Variants in TSPAN7 observed in about 807,000 individuals in gnomAD.
TSPAN7 encodes the protein tetraspanin 7, also known as tetraspanin-7.
In TSPAN7, 1 loss-of-function variant was observed where a neutral mutation model predicts 17.6. That is an observed-to-expected ratio of 0.06 (90% CI 0.02 to 0.27). The LOEUF is 0.27. TSPAN7 is among the 10% of genes least tolerant of loss of function. The pLI is 1.00. For synonymous variants in TSPAN7, 78 were observed against 79.0 expected, an observed-to-expected ratio of 0.99 and a Z score of 0.07; for missense variants, 112 against 201.7, an observed-to-expected ratio of 0.56 and a Z score of 2.69.
At chrX:38,598,662 TAAATTAGAA>T (rs2069330904) in intron 1 of TSPAN7, among the ~76,000 whole-genome samples, 1 of 111,281 alleles carries the variant, frequency 9.0e-6, no homozygotes, top group Admixed American at 9.6e-5. Flanking sequence ...AAATGTTGAA[TAAATTAGAA>T]TTTGGGGGTG....
At chrX:38,561,773 C>A in intron 1 of TSPAN7, 146 bp downstream of exon 1, 1 of 492,797 alleles carries the variant, frequency 2.0e-6, no homozygotes, top group African/African-American at 2.3e-5. Flanking sequence ...GGTGCTGGGT[C>A]GGGGCTGCAG....
At chrX:38,639,347 G>A (rs1326012591) in intron 1 of TSPAN7, among the ~76,000 whole-genome samples, 3 of 108,541 alleles carry the variant, frequency 2.8e-5, no homozygotes, top group African/African-American at 1.0e-4. Context: ...ACCTGTGAGT[G>A]GTGGAGAGGG....
At chrX:38,668,740 C>T (rs1038067008) in intron 2 of TSPAN7, among the ~76,000 whole-genome samples, 3 of 111,646 alleles carry the variant, frequency 2.7e-5, no homozygotes, top group Admixed American at 9.5e-5. Flanking sequence ...TACATGGGGG[C>T]GTGGCTATCT....
chrX:38,582,799 T>C (rs2069234348), intron 1 of TSPAN7, among the ~76,000 whole-genome samples: 1 of 112,269 alleles, frequency 8.9e-6, no homozygotes, highest in African/African-American at 3.2e-5. Context: ...CTTCTCTCAC[T>C]CCTGCCTCTC....
At chrX:38,687,752 C>G in intron 7 of TSPAN7, 78 bp downstream of exon 7, 1 of 835,613 alleles carries the variant, frequency 1.2e-6, no homozygotes, top group Non-Finnish European at 1.7e-6. Context: ...TGCAGGAGTA[C>G]TCCCTGGCCA....
intron 1 of TSPAN7, among the ~76,000 whole-genome samples, chrX:38,662,743 G>C (rs930816674): frequency 9.0e-6 from 1 of 111,253 alleles, no homozygotes; most frequent in African/African-American, 3.3e-5. Flanking sequence ...TCTGAACAGA[G>C]CTGGTTCATC....
At chrX:38,570,160 A>G (rs1602082471) in intron 1 of TSPAN7, among the ~76,000 whole-genome samples, 1 of 111,412 alleles carries the variant, frequency 9.0e-6, no homozygotes, top group East Asian at 2.8e-4. Context: ...ACCTTGCTGG[A>G]TTAATTTAGT....
intron 1 of TSPAN7, among the ~76,000 whole-genome samples, chrX:38,576,362 T>G (rs944408900): frequency 1.8e-5 from 2 of 112,288 alleles, no homozygotes; most frequent in Non-Finnish European, 3.8e-5. Context: ...GCACTTCAAA[T>G]GTGGATAGTC....
chrX:38,583,094 G>C (rs1251476216), intron 1 of TSPAN7, among the ~76,000 whole-genome samples: 3 of 112,183 alleles, frequency 2.7e-5, no homozygotes, highest in Non-Finnish European at 5.6e-5. Context: ...AAGCCAGTGT[G>C]ATAAAATTGG....
intron 1 of TSPAN7, among the ~76,000 whole-genome samples, chrX:38,631,084 A>G (rs1160230289): frequency 8.9e-6 from 1 of 112,140 alleles, no homozygotes; most frequent in Non-Finnish European, 1.9e-5. Context: ...TATTTTCTTA[A>G]TTTTTGAAAA....
intron 6 of TSPAN7, 65 bp from the exon 7 acceptor site, chrX:38,687,534 A>T (rs2069933442): frequency 2.0e-6 from 2 of 977,053 alleles, no homozygotes; most frequent in Admixed American, 5.2e-5. Context: ...ATTATTAATT[A>T]AATATTAAAA....
intron 1 of TSPAN7, among the ~76,000 whole-genome samples, chrX:38,583,944 CTTTTCTTTTTTTTT>C (rs1160342636): frequency 2.3e-5 from 2 of 88,466 alleles, no homozygotes; most frequent in Non-Finnish European, 4.5e-5. Context: ...TCTTTTTTTT[CTTTTCTTTTTTTTT>C]TTTTTTTTTT....
At chrX:38,658,968 AC>A (rs1455630512) in intron 1 of TSPAN7, among the ~76,000 whole-genome samples, 1 of 106,851 alleles carries the variant, frequency 9.4e-6, no homozygotes, top group Non-Finnish European at 1.9e-5. Context: ...GATACCACCA[AC>A]CTGTCAGCCA....
chrX:38,657,262 GT>G (rs765126753), intron 1 of TSPAN7, among the ~76,000 whole-genome samples: 1 of 111,965 alleles, frequency 8.9e-6, no homozygotes, highest in Admixed American at 9.5e-5. Flanking sequence ...TATTCAAGTA[GT>G]AAAAGGCTCT....
chrX:38,629,655 A>G (rs1205694022), intron 1 of TSPAN7, among the ~76,000 whole-genome samples: 2 of 111,549 alleles, frequency 1.8e-5, no homozygotes, highest in Admixed American at 9.5e-5. Context: ...AGAGCACTAC[A>G]GCTTGTTCCA....
intron 1 of TSPAN7, among the ~76,000 whole-genome samples, chrX:38,614,993 T>A (rs1602099941): frequency 1.9e-5 from 1 of 52,736 alleles, no homozygotes; most frequent in Non-Finnish European, 3.8e-5. Flanking sequence ...AGATTTATTC[T>A]TTTTTTTTTT....
chrX:38,566,963 T>C (rs749064637), intron 1 of TSPAN7, among the ~76,000 whole-genome samples: 30 of 112,277 alleles, frequency 2.7e-4, no homozygotes, highest in African/African-American at 8.7e-4. Flanking sequence ...TGGGCCTGAT[T>C]TCTTGATTAT....
chrX:38,576,321 T>A (rs1224412729), intron 1 of TSPAN7, among the ~76,000 whole-genome samples: 1 of 112,004 alleles, frequency 8.9e-6, no homozygotes, highest in Non-Finnish European at 1.9e-5. Context: ...AAAGAGCTGG[T>A]AACGCACTGT....
At chrX:38,669,535 G>A (rs1174648101) in intron 2 of TSPAN7, among the ~76,000 whole-genome samples, 4 of 111,870 alleles carry the variant, frequency 3.6e-5, no homozygotes, top group South Asian at 3.7e-4. Flanking sequence ...GTACAAGCTC[G>A]TCCCAATAGG....
Sources: allele counts gnomAD v4.1 joint callset (sites outside exome capture counted in the v4.1 genomes callset), GRCh38; gene constraint gnomAD v4.1.1; transcripts MANE v1.5; gene names NCBI Gene and HGNC (gene_info 2026-07-23, HGNC 2026-07-21).